USP25: variants seen among roughly 807,000 people sequenced by gnomAD.
USP25 encodes ubiquitin specific peptidase 25, also known as ubiquitin carboxyl-terminal hydrolase 25.
A neutral mutation model predicts 158.5 loss-of-function variants in USP25; 85 were observed. The observed-to-expected ratio is 0.54, with a 90% CI of 0.45 to 0.64. USP25 has a LOEUF of 0.64. USP25 is among the 30% of genes least tolerant of loss of function. USP25 has a pLI of 0.00. For missense variants in USP25, 1,242 were observed against 1,327.3 expected (o/e 0.94, Z 1.00); for synonymous variants, 464 against 460.4 (o/e 1.01, Z -0.10).
chr21:15,783,886 C>T (rs1384675819), intron 4 of USP25, among the ~76,000 whole-genome samples: 8 of 151,852 alleles, frequency 5.3e-5, no homozygotes, highest in Non-Finnish European at 1.2e-4. Flanking sequence ...AGGAGAATGG[C>T]GTGAACCCAG....
chr21:15,777,582 A>G lies in USP25; in HGVS notation c.269-322A>G, dbSNP rs370275575. Among the ~76,000 whole-genome samples, 15 of 152,288 alleles carry G rather than the reference A, an allele frequency of 9.8e-5. No homozygotes were observed. The East Asian group carries it at 1.5e-3, about 16-fold the overall frequency. Reference sequence around the variant, plus strand: ...TCAATGTTTAATTGTATTGATTTCAATTTTTGTTGATAAACCATTCTCAGC... The same window carrying G: ...TCAATGTTTAATTGTATTGATTTCAGTTTTTGTTGATAAACCATTCTCAGC... On this transcript the variant is annotated intron_variant, in intron 3 of 25. Transcript: ENST00000400183.
At chr21:15,779,014 A>T (rs913747085) in intron 4 of USP25, among the ~76,000 whole-genome samples, 1 of 152,120 alleles carries the variant, frequency 6.6e-6, no homozygotes, top group African/African-American at 2.4e-5. Context: ...AGATTACTAT[A>T]TGGTAGGAAA....
intron 4 of USP25, 99 bp from the exon 5 acceptor site, chr21:15,791,403 T>C: frequency 8.0e-7 from 1 of 1,243,448 alleles, no homozygotes; most frequent in Non-Finnish European, 1.1e-6. Flanking sequence ...TCAAATACAT[T>C]ATTGAAATCT....
At chr21:15,832,620 G>C (rs2037858288) in intron 16 of USP25, among the ~76,000 whole-genome samples, 1 of 152,020 alleles carries the variant, frequency 6.6e-6, no homozygotes, top group Non-Finnish European at 1.5e-5. Context: ...ACATGATTAT[G>C]AGTTGTTTAC....
In USP25 at chr21:15,812,492, C is replaced by CA. The variant is rs1161742188; in HGVS notation, c.931+1291dup. Among the ~76,000 whole-genome samples, 27 of 150,796 alleles carry CA rather than the reference C, an allele frequency of 1.8e-4. No individual in the cohort carries two copies. The East Asian group carries it at 2.5e-3, about 14-fold the overall frequency. On this transcript the variant is annotated intron_variant, in intron 9 of 25. Coordinates refer to ENST00000400183, the MANE Select transcript of USP25 (RefSeq NM_001283041.3). ...TGAAACCCTGTCTCTACTAAAAATA[C>CA]AAAAAAAAATTAGCCAGGCGTGGTG...
chr21:15,827,098 G>C lies in USP25; in HGVS notation c.1588G>C (p.Asp530His). The C allele has an allele frequency of 6.2e-7, 1 of 1,614,172 alleles. No individual in the cohort carries two copies. Among genetic ancestry groups the C allele is most frequent in the Non-Finnish European group, 8.5e-7 (1 of 1,180,034 alleles). Residue 530 changes from aspartate (D) to histidine (H), a missense_variant, in exon 14 of 26, where the codon GAT becomes CAT. By Grantham distance (81) the Asp-to-His change is moderately conservative. This residue lies in a region of USP25 where 627 missense variants were observed against 701.4 expected (regional missense o/e 0.89). Transcript: ENST00000400183. ...ATTTACTCAGTCCCGGATACCTCCA[G>C]ATTTGCCCATGCATCCGGCACCAAG... ...KPFTQSRIPP[D>H]LPMHPAPRHI...
chr21:15,865,491 G>T (rs1480001702), intron 21 of USP25, among the ~76,000 whole-genome samples: 1 of 152,146 alleles, frequency 6.6e-6, no homozygotes, highest in East Asian at 1.9e-4. Flanking sequence ...CTGATAGGTG[G>T]TTGAATGCTC....
At chr21:15,851,170 G>A (rs1181394871) in intron 20 of USP25, among the ~76,000 whole-genome samples, 1 of 150,292 alleles carries the variant, frequency 6.7e-6, no homozygotes, top group African/African-American at 2.4e-5. Context: ...TTGTGGAAAA[G>A]TTATTTATGA....
chr21:15,763,952 G>C (rs2033886661), intron 2 of USP25, among the ~76,000 whole-genome samples: 1 of 152,138 alleles, frequency 6.6e-6, no homozygotes, highest in Admixed American at 6.6e-5. Flanking sequence ...CACACAGCCT[G>C]TATGTGGAGA....
In USP25 at chr21:15,730,181, C is replaced by A; in HGVS notation, c.-213C>A. 3.4e-6 allele frequency: 1 copy of A among 290,740 alleles called. No homozygotes were observed. Among genetic ancestry groups the A allele is most frequent in the Non-Finnish European group, 5.1e-6 (1 of 195,614 alleles). The allele number at this position is 290,740 out of a possible 1,614,324, so 18.0% of individuals were successfully genotyped here. On this transcript the variant is annotated 5_prime_UTR_variant, in exon 1 of 26. Coordinates refer to ENST00000400183, the MANE Select transcript of USP25 (RefSeq NM_001283041.3). ...CGGGCCGCGTGGAGACGTGAGGCGG[C>A]CGCCGTGGCCCTCACAGTCGGCGTT...
chr21:15,856,589 A>T (rs540771559), intron 20 of USP25, among the ~76,000 whole-genome samples: 104 of 151,682 alleles, frequency 6.9e-4, no homozygotes, highest in African/African-American at 2.4e-3. Context: ...CTCCTGCCTC[A>T]GCCTCCCAAG....
At chr21:15,761,113 G>T (rs1337395449) in intron 1 of USP25, among the ~76,000 whole-genome samples, 1 of 152,226 alleles carries the variant, frequency 6.6e-6, no homozygotes, top group Non-Finnish European at 1.5e-5. Flanking sequence ...TTGGGTTTGT[G>T]TGATGCTTCC....
intron 9 of USP25, among the ~76,000 whole-genome samples, chr21:15,817,800 T>G (rs1434082938): frequency 6.6e-6 from 1 of 152,144 alleles, no homozygotes; most frequent in African/African-American, 2.4e-5. Context: ...GATTGAATTA[T>G]CTCCTGCTGA....
At chr21:15,852,158 A>C (rs1601129869) in intron 20 of USP25, among the ~76,000 whole-genome samples, 1 of 152,260 alleles carries the variant, frequency 6.6e-6, no homozygotes, top group African/African-American at 2.4e-5. Context: ...TACTCATAGC[A>C]TAAGGAAACT....
intron 1 of USP25, among the ~76,000 whole-genome samples, chr21:15,751,757 A>T (rs973700748): frequency 6.6e-6 from 1 of 152,356 alleles, no homozygotes; most frequent in East Asian, 1.9e-4. Flanking sequence ...ACATGTTCCC[A>T]TAGAAACCAT....
At chr21:15,736,171 C>G (rs1204320306) in intron 1 of USP25, among the ~76,000 whole-genome samples, 1 of 151,844 alleles carries the variant, frequency 6.6e-6, no homozygotes, top group Non-Finnish European at 1.5e-5. Context: ...AATCTCAGCT[C>G]ACTGCAACTT....
intron 21 of USP25, among the ~76,000 whole-genome samples, chr21:15,865,927 A>T (rs1281808522): frequency 1.3e-5 from 2 of 152,088 alleles, no homozygotes; most frequent in Non-Finnish European, 2.9e-5. Flanking sequence ...GGAAAAGAAG[A>T]TGCAGTGTCT....
At chr21:15,731,533 C>G (rs1292713989) in intron 1 of USP25, among the ~76,000 whole-genome samples, 1 of 152,102 alleles carries the variant, frequency 6.6e-6, no homozygotes, top group East Asian at 1.9e-4. Flanking sequence ...CTACATACAG[C>G]CTGCTAAATT....
chr21:15,830,256 T>A (rs1465180263), intron 14 of USP25, among the ~76,000 whole-genome samples: 2 of 152,190 alleles, frequency 1.3e-5, no homozygotes, highest in African/African-American at 2.4e-5. Context: ...AAACTCTCCT[T>A]TATAGATTTG....
Sources: allele counts gnomAD v4.1 joint callset (sites outside exome capture counted in the v4.1 genomes callset), GRCh38; gene constraint gnomAD v4.1.1; regional missense constraint gnomAD v4.1.1; transcripts MANE v1.5; gene names NCBI Gene and HGNC (gene_info 2026-07-23, HGNC 2026-07-21).